The following IGSF21 variants were observed in gnomAD, a reference collection of about 807,000 sequenced individuals.
IGSF21 encodes immunoglobin superfamily member 21.
Under a neutral mutation model 46.8 loss-of-function variants are expected in IGSF21, and 28 were observed. The ratio of observed to expected loss-of-function variants is 0.60; its 90% CI spans 0.44 to 0.82. The LOEUF is 0.82. IGSF21 is among the 40% of genes least tolerant of loss of function. IGSF21 has a pLI of 0.00. For synonymous variants in IGSF21, 284 were observed against 273.6 expected, an observed-to-expected ratio of 1.04 and a Z score of -0.38; for missense variants, 624 against 665.5, an observed-to-expected ratio of 0.94 and a Z score of 0.69.
intron 3 of IGSF21, among the ~76,000 whole-genome samples, chr1:18,323,991 G>C (rs992397793): frequency 6.6e-6 from 1 of 152,188 alleles, no homozygotes; most frequent in Non-Finnish European, 1.5e-5. Context: ...CAGGCCCCCT[G>C]TCCAGCGCTG....
chr1:18,248,800 T>A (rs143250284), intron 2 of IGSF21, among the ~76,000 whole-genome samples: 1 of 152,164 alleles, frequency 6.6e-6, no homozygotes, highest in Non-Finnish European at 1.5e-5. Flanking sequence ...TTGAACGAGA[T>A]AGGCAAGTTC....
intron 1 of IGSF21, among the ~76,000 whole-genome samples, chr1:18,190,567 C>A (rs2086945625): frequency 6.6e-6 from 1 of 152,288 alleles, no homozygotes; most frequent in Non-Finnish European, 1.5e-5. Context: ...AACGTGGGGC[C>A]GATAAGCCTG....
intron 1 of IGSF21, among the ~76,000 whole-genome samples, chr1:18,145,561 G>A (rs1364919639): frequency 2.0e-5 from 3 of 152,092 alleles, no homozygotes; most frequent in African/African-American, 4.8e-5. Flanking sequence ...AGTCCAGGGG[G>A]TGACCTTCTT....
intron 2 of IGSF21, among the ~76,000 whole-genome samples, chr1:18,282,674 A>G (rs938005682): frequency 6.6e-6 from 1 of 151,330 alleles, no homozygotes; most frequent in Admixed American, 6.6e-5. Flanking sequence ...ACACACACAA[A>G]CACACACCCT....
At chr1:18,366,404 A>G (rs979902685) in intron 6 of IGSF21, among the ~76,000 whole-genome samples, 25 of 152,062 alleles carry the variant, frequency 1.6e-4, no homozygotes, top group Admixed American at 6.6e-5. Flanking sequence ...ATCAGGGGAC[A>G]TTTGTCGGAT....
chr1:18,126,220 G>T (rs569116153), intron 1 of IGSF21, among the ~76,000 whole-genome samples: 10 of 145,164 alleles, frequency 6.9e-5, no homozygotes, highest in Middle Eastern at 3.6e-3. Flanking sequence ...GAGCTCGCTC[G>T]CTTTGGCTCT....
At chr1:18,126,048 A>G (rs370909680) in intron 1 of IGSF21, among the ~76,000 whole-genome samples, 2 of 152,086 alleles carry the variant, frequency 1.3e-5, no homozygotes, top group Non-Finnish European at 2.9e-5. Flanking sequence ...GCCTTGAAGG[A>G]TGGGAGGCCA....
intron 2 of IGSF21, among the ~76,000 whole-genome samples, chr1:18,236,212 C>T (rs1445413256): frequency 6.6e-6 from 1 of 152,100 alleles, no homozygotes; most frequent in East Asian, 1.9e-4. Flanking sequence ...GGGGCAGCTT[C>T]CCCCATACTG....
intron 1 of IGSF21, among the ~76,000 whole-genome samples, chr1:18,133,524 T>C (rs1233548811): frequency 6.6e-6 from 1 of 152,220 alleles, no homozygotes; most frequent in East Asian, 1.9e-4. Context: ...TCTGAGCAAA[T>C]GTGCTTTGTA....
intron 4 of IGSF21, among the ~76,000 whole-genome samples, chr1:18,338,856 G>A (rs889151807): frequency 5.3e-5 from 8 of 151,832 alleles, no homozygotes; most frequent in African/African-American, 1.9e-4. Context: ...ATTATACACA[G>A]TCATGGAAGG....
chr1:18,149,006 G>A (rs374200030), intron 1 of IGSF21, among the ~76,000 whole-genome samples: 2 of 152,316 alleles, frequency 1.3e-5, no homozygotes, highest in African/African-American at 2.4e-5. Context: ...TCAGCAAGAC[G>A]TGCTCACCAG....
chr1:18,343,702 T>TCTA (rs1345839370), intron 4 of IGSF21, among the ~76,000 whole-genome samples: 1 of 152,242 alleles, frequency 6.6e-6, no homozygotes, highest in Non-Finnish European at 1.5e-5. Flanking sequence ...AACACACTAT[T>TCTA]CTATCCCCAT....
chr1:18,205,742 T>C (rs566874776), intron 1 of IGSF21, among the ~76,000 whole-genome samples: 8 of 152,322 alleles, frequency 5.3e-5, no homozygotes, highest in African/African-American at 1.9e-4. Flanking sequence ...CTAATAAAAA[T>C]GTAGATTGGA....
At chr1:18,221,100 G>T (rs996772365) in intron 1 of IGSF21, among the ~76,000 whole-genome samples, 1 of 152,170 alleles carries the variant, frequency 6.6e-6, no homozygotes, top group East Asian at 1.9e-4. Flanking sequence ...CCCAAGAGCA[G>T]CCATGCTCTG....
intron 1 of IGSF21, among the ~76,000 whole-genome samples, chr1:18,121,073 G>C (rs1194367523): frequency 6.6e-6 from 1 of 152,088 alleles, no homozygotes; most frequent in Non-Finnish European, 1.5e-5. Flanking sequence ...GTGCAGCCTG[G>C]TCCACATCAG....
intron 3 of IGSF21, among the ~76,000 whole-genome samples, chr1:18,300,371 C>T (rs550594119): frequency 6.3e-4 from 96 of 152,292 alleles, no homozygotes; most frequent in African/African-American, 2.1e-3. Context: ...ATTCAATGGC[C>T]GGCACCAAGG....
At chr1:18,187,324 G>C (rs1006972685) in intron 1 of IGSF21, among the ~76,000 whole-genome samples, 1 of 152,124 alleles carries the variant, frequency 6.6e-6, no homozygotes, top group Admixed American at 6.6e-5. Flanking sequence ...GCCTGTATTA[G>C]TCCGTTTTCA....
intron 2 of IGSF21, among the ~76,000 whole-genome samples, chr1:18,249,529 T>C (rs1253209134): frequency 1.1e-4 from 16 of 152,068 alleles, no homozygotes; most frequent in Admixed American, 1.0e-3. Context: ...AGTGTGGACA[T>C]TGGGGGCAGC....
chr1:18,254,703 T>G (rs1281696549), intron 2 of IGSF21, among the ~76,000 whole-genome samples: 1 of 152,244 alleles, frequency 6.6e-6, no homozygotes, highest in Non-Finnish European at 1.5e-5. Flanking sequence ...AATAGGCTGT[T>G]GCCTGTGCCA....
Sources: allele counts gnomAD v4.1 joint callset (sites outside exome capture counted in the v4.1 genomes callset), GRCh38; gene constraint gnomAD v4.1.1; transcripts MANE v1.5; gene names NCBI Gene and HGNC (gene_info 2026-07-23, HGNC 2026-07-21).